Variants in METTL6 observed in about 807,000 individuals in gnomAD.
The protein encoded by METTL6 is methyltransferase 6, tRNA N3-cytidine.
Under a neutral mutation model 26.4 loss-of-function variants are expected in METTL6, and 22 were observed. The ratio of observed to expected loss-of-function variants is 0.83; its 90% CI spans 0.59 to 1.19. The LOEUF is 1.19. Ranked by LOEUF, METTL6 falls within the 50% of genes most tolerant of loss-of-function variation. The pLI is 0.00. For missense variants in METTL6, 304 were observed against 324.8 expected, an observed-to-expected ratio of 0.94 and a Z score of 0.49; for synonymous variants, 109 against 116.2, an observed-to-expected ratio of 0.94 and a Z score of 0.40.
chr3:15,416,430 ATTTTTG>A (rs1407962274), intron 3 of METTL6, among the ~76,000 whole-genome samples: 1 of 151,914 alleles, frequency 6.6e-6, no homozygotes, highest in Non-Finnish European at 1.5e-5. Context: ...TTTTATTTTT[ATTTTTG>A]TAAAGATGGG....
At chr3:15,420,192 T>C (rs1397618313) in intron 3 of METTL6, among the ~76,000 whole-genome samples, 1 of 152,166 alleles carries the variant, frequency 6.6e-6, no homozygotes, top group Non-Finnish European at 1.5e-5. Context: ...ATCCATTCCA[T>C]GGAATATTAT....
intron 5 of METTL6, 138 bp downstream of exon 5, chr3:15,413,883 A>G: frequency 6.5e-7 from 1 of 1,533,054 alleles, no homozygotes. Context: ...CTGGGTAAAT[A>G]TTGTGCAGTA....
intron 3 of METTL6, among the ~76,000 whole-genome samples, chr3:15,417,692 T>C (rs11915820): frequency 0.022 from 3,289 of 152,046 alleles, 101 homozygotes; most frequent in African/African-American, 0.072. Context: ...AGGTGACAAT[T>C]AGACAAAAAG....
In METTL6 at chr3:15,415,884, T is replaced by C. The variant is rs1009732259; in HGVS notation, c.419A>G (p.Asp140Gly). ...CKVFQCDLTKDDLLDHVPPES... is the reference protein window; with the variant it reads ...CKVFQCDLTKGDLLDHVPPES... ...TGGCGGTACATGATCCAGAAGATCA[T>C]CTTTAGTCAGATCACACTGGAATAC... is the stretch of plus-strand genomic sequence containing the variant. Residue 140 changes from aspartate (D) to glycine (G), a missense_variant, in exon 4 of 6, where the codon GAT (aspartate) becomes GGT (glycine). Coordinates refer to ENST00000383790, the MANE Select transcript of METTL6 (RefSeq NM_152396.4). The C allele has an allele frequency of 6.2e-7, 1 of 1,614,180 alleles. No homozygotes were observed. The highest frequency in any genetic ancestry group is 2.2e-5 in the East Asian group (1 of 44,888).
intron 6 of METTL6, among the ~76,000 whole-genome samples, chr3:15,394,758 C>G (rs1699442441): frequency 6.6e-6 from 1 of 152,150 alleles, no homozygotes. Context: ...GTTATGTACC[C>G]AGTAGTCATT....
chr3:15,412,529 G>C (rs115349420), intron 5 of METTL6, among the ~76,000 whole-genome samples: 3 of 151,908 alleles, frequency 2.0e-5, no homozygotes, highest in Non-Finnish European at 4.4e-5. Context: ...CTGTCGCCCA[G>C]GCTGGAGGGC....
At chr3:15,424,830 G>T in intron 3 of METTL6, 125 bp downstream of exon 3, 1 of 1,229,482 alleles carries the variant, frequency 8.1e-7, no homozygotes, top group Non-Finnish European at 1.2e-6. Flanking sequence ...ACAACTACAT[G>T]TATGGTGACT....
chr3:15,425,942 C>G (rs928630965), intron 2 of METTL6, among the ~76,000 whole-genome samples: 12 of 152,144 alleles, frequency 7.9e-5, no homozygotes, highest in African/African-American at 2.9e-4. Context: ...CACACCTCTT[C>G]ACATTTTTTT....
chr3:15,407,173 C>A (rs1246974023), downstream of METTL6, among the ~76,000 whole-genome samples: 1 of 152,082 alleles, frequency 6.6e-6, no homozygotes, highest in Non-Finnish European at 1.5e-5. Context: ...ACATGCACCA[C>A]CACGCCCAGC....
chr3:15,400,996 G>A (rs894618980), intron 6 of METTL6, among the ~76,000 whole-genome samples: 1 of 151,938 alleles, frequency 6.6e-6, no homozygotes, highest in African/African-American at 2.4e-5. Context: ...CTGAATAGCT[G>A]GGACTACAGT....
chr3:15,391,577 C>T (rs1699348064), intron 6 of METTL6, among the ~76,000 whole-genome samples: 1 of 151,860 alleles, frequency 6.6e-6, no homozygotes, highest in African/African-American at 2.4e-5. Flanking sequence ...ATACATGCGC[C>T]ATGTTGGTGT....
In METTL6 at chr3:15,411,110, G is replaced by C. The variant is rs1223000292; in HGVS notation, c.*146C>G. 1.2e-6 allele frequency: 1 copy of C among 825,810 alleles called. No individual in the cohort carries two copies. Among genetic ancestry groups the C allele is most frequent in the Non-Finnish European group, 1.8e-6 (1 of 546,614 alleles). The allele number at this position is 825,810 out of a possible 1,614,324, so 51.2% of individuals were successfully genotyped here. A position where few individuals can be genotyped will look rare whatever the true frequency, so the allele number is the denominator to read the frequency against. On this transcript the variant is annotated 3_prime_UTR_variant, in exon 6 of 6. Transcript: ENST00000383790. ...GGGTCTCACCATGTTGGCCAGGCTG[G>C]TCTCAAACTCCTGACCTCAGATGAT...
chr3:15,411,832 G>A (rs2124967722), intron 5 of METTL6, among the ~76,000 whole-genome samples: 1 of 151,756 alleles, frequency 6.6e-6, no homozygotes, highest in East Asian at 1.9e-4. Flanking sequence ...GCACGATCTC[G>A]GCTCACTGCA....
In METTL6 at chr3:15,411,059, AT is replaced by A; in HGVS notation, c.*196del. 4 of 511,414 alleles carry A rather than the reference AT, an allele frequency of 7.8e-6. No individual in the cohort carries two copies. Among genetic ancestry groups the A allele is most frequent in the Non-Finnish European group, 1.0e-5 (3 of 298,308 alleles). The allele number at this position is 511,414 out of a possible 1,614,324, so 31.7% of individuals were successfully genotyped here. A position where few individuals can be genotyped will look rare whatever the true frequency, so the allele number is the denominator to read the frequency against. ...AGGCACTCGCCACTATGCCCAGCTAATTTTTTTGTATTTTTAGTAGAGATGG... is the reference window on the plus strand; with the variant it reads ...AGGCACTCGCCACTATGCCCAGCTAATTTTTTGTATTTTTAGTAGAGATGG... On this transcript the variant is annotated 3_prime_UTR_variant, in exon 6 of 6. Coordinates refer to ENST00000383790, the MANE Select transcript of METTL6 (RefSeq NM_152396.4).
chr3:15,387,411 C>T (rs1699228184), intron 6 of METTL6, among the ~76,000 whole-genome samples: 1 of 152,228 alleles, frequency 6.6e-6, no homozygotes. Context: ...AACCTCCTAT[C>T]TCATCCTGTG....
chr3:15,417,605 C>G (rs984606384), intron 3 of METTL6, among the ~76,000 whole-genome samples: 3 of 151,636 alleles, frequency 2.0e-5, no homozygotes, highest in Non-Finnish European at 4.4e-5. Flanking sequence ...TGAGACAAAA[C>G]AGAGTCCCAA....
At chr3:15,384,848 G>A (rs1325455472) in intron 6 of METTL6, among the ~76,000 whole-genome samples, 1 of 152,128 alleles carries the variant, frequency 6.6e-6, no homozygotes, top group African/African-American at 2.4e-5. Context: ...GCCCCCTTGG[G>A]GGACAATTAC....
rs772832522 is a variant in METTL6, at chr3:15,411,004, T to C, written c.*252A>G. The C allele has an allele frequency of 2.8e-6, 1 of 357,076 alleles. No individual in the cohort carries two copies. Among genetic ancestry groups the C allele is most frequent in the Non-Finnish European group, 5.0e-6 (1 of 198,332 alleles). 22.1% of individuals were successfully genotyped at this position (357,076 alleles called of 1,614,324 possible). ...GCCTCTTGGGTTCAAGCGATTCTCT[T>C]GCCTCAGCCTCCTGAGTAGCTGGGA... On this transcript the variant is annotated 3_prime_UTR_variant, in exon 6 of 6. Coordinates refer to ENST00000383790, the MANE Select transcript of METTL6 (RefSeq NM_152396.4).
chr3:15,398,601 A>AGGTGTTTGGATTT (rs1699556047), intron 6 of METTL6, among the ~76,000 whole-genome samples: 1 of 152,184 alleles, frequency 6.6e-6, no homozygotes, highest in Admixed American at 6.5e-5. Context: ...TAATCCCAAC[A>AGGTGTTTGGATTT]CTTTGAAAGG....
Sources: gnomAD v4.1 joint callset for allele counts (sites outside exome capture counted in the v4.1 genomes callset) on GRCh38, gnomAD v4.1.1 for gene constraint, MANE v1.5 for transcripts, NCBI Gene and HGNC (gene_info 2026-07-23, HGNC 2026-07-21) for gene names.